DLGAP1: variants seen among roughly 807,000 people sequenced by gnomAD.
DLGAP1 encodes the protein disks large-associated protein 1.
In DLGAP1, 11 loss-of-function variants were observed where a neutral mutation model predicts 90.8. The ratio of observed to expected loss-of-function variants is 0.12; its 90% CI spans 0.08 to 0.20. The LOEUF (loss-of-function observed/expected upper bound fraction) is 0.20. Ranked by LOEUF, DLGAP1 falls within the 10% of genes least tolerant of loss-of-function variation. DLGAP1 has a pLI of 1.00. For synonymous variants in DLGAP1, 558 were observed against 540.7 expected, an observed-to-expected ratio of 1.03 and a Z score of -0.44; for missense variants, 1,050 against 1,333.8, an observed-to-expected ratio of 0.79 and a Z score of 3.31.
At chr18:3,758,902 T>C (rs1047922368) in intron 5 of DLGAP1, among the ~76,000 whole-genome samples, 1 of 152,180 alleles carries the variant, frequency 6.6e-6, no homozygotes, top group African/African-American at 2.4e-5. Context: ...ACATTAATTT[T>C]CCTTCTGTTT....
chr18:3,859,126 T>C (rs747834362), intron 4 of DLGAP1, among the ~76,000 whole-genome samples: 63 of 152,202 alleles, frequency 4.1e-4, no homozygotes, highest in Non-Finnish European at 7.4e-4. Flanking sequence ...CTACAAGTGC[T>C]CTGATTTCAA....
chr18:3,570,430 C>A (rs2145179383), intron 8 of DLGAP1, among the ~76,000 whole-genome samples: 1 of 151,884 alleles, frequency 6.6e-6, no homozygotes, highest in East Asian at 2.0e-4. Flanking sequence ...AGGTGTGTGC[C>A]ACCATGCCTG....
At chr18:3,693,186 G>A (rs2060959349) in intron 7 of DLGAP1, among the ~76,000 whole-genome samples, 1 of 152,130 alleles carries the variant, frequency 6.6e-6, no homozygotes, top group East Asian at 1.9e-4. Flanking sequence ...GGGCTCCAGC[G>A]ATCCTCCTGC....
chr18:3,951,828 C>G (rs1404693198), intron 3 of DLGAP1, among the ~76,000 whole-genome samples: 2 of 152,156 alleles, frequency 1.3e-5, no homozygotes, highest in African/African-American at 4.8e-5. Context: ...AGAGTACCTG[C>G]TTCCCCTTAT....
At chr18:4,011,136 A>G (rs1440407350) in intron 2 of DLGAP1, among the ~76,000 whole-genome samples, 2 of 145,390 alleles carry the variant, frequency 1.4e-5, no homozygotes, top group African/African-American at 5.1e-5. Flanking sequence ...AGATGGCGTC[A>G]TTGCACTCTA....
chr18:3,682,879 A>T (rs2060571053), intron 7 of DLGAP1, among the ~76,000 whole-genome samples: 1 of 146,900 alleles, frequency 6.8e-6, no homozygotes, highest in Non-Finnish European at 1.5e-5. Context: ...TTTTTCTGAG[A>T]TGGAGTCTTG....
intron 1 of DLGAP1, among the ~76,000 whole-genome samples, chr18:4,185,207 G>C (rs948796885): frequency 6.6e-6 from 1 of 151,492 alleles, no homozygotes; most frequent in Non-Finnish European, 1.5e-5. Flanking sequence ...AATACAATAA[G>C]ACAAGAATAA....
intron 1 of DLGAP1, among the ~76,000 whole-genome samples, chr18:4,164,142 G>A (rs943892597): frequency 4.6e-5 from 7 of 152,088 alleles, no homozygotes; most frequent in Non-Finnish European, 8.8e-5. Flanking sequence ...GAACCTGCAC[G>A]CTAAACATAA....
intron 2 of DLGAP1, among the ~76,000 whole-genome samples, chr18:4,041,077 G>A (rs1458834260): frequency 6.6e-6 from 1 of 152,192 alleles, no homozygotes; most frequent in African/African-American, 2.4e-5. Context: ...AGAACAGAGA[G>A]CAAACGCAGC....
intron 1 of DLGAP1, among the ~76,000 whole-genome samples, chr18:4,267,989 T>A (rs2079168751): frequency 6.6e-6 from 1 of 152,238 alleles, no homozygotes; most frequent in African/African-American, 2.4e-5. Context: ...ATATCATTAC[T>A]GAAATTCCGG....
intron 1 of DLGAP1, among the ~76,000 whole-genome samples, chr18:4,208,255 C>T (rs2077761912): frequency 6.6e-6 from 1 of 152,142 alleles, no homozygotes; most frequent in African/African-American, 2.4e-5. Flanking sequence ...TTTGGAACAT[C>T]TAAAATAATT....
At chr18:3,804,691 A>G (rs2148358481) in intron 5 of DLGAP1, among the ~76,000 whole-genome samples, 1 of 152,362 alleles carries the variant, frequency 6.6e-6, no homozygotes, top group East Asian at 1.9e-4. Context: ...ACCACTGCGC[A>G]TTAAAGTTAC....
chr18:3,580,054 A>C (rs1354024346), intron 8 of DLGAP1: 1 of 678,836 alleles, frequency 1.5e-6, no homozygotes. Flanking sequence ...AATTAAAAGC[A>C]CCTCATGTTT....
At chr18:4,197,655 A>T (rs2077526147) in intron 1 of DLGAP1, among the ~76,000 whole-genome samples, 3 of 152,214 alleles carry the variant, frequency 2.0e-5, no homozygotes, top group Admixed American at 2.0e-4. Context: ...AAAAGAGAGT[A>T]GGGACAGGTA....
intron 3 of DLGAP1, among the ~76,000 whole-genome samples, chr18:3,881,873 A>G (rs1285349908): frequency 6.6e-6 from 1 of 152,210 alleles, no homozygotes; most frequent in Non-Finnish European, 1.5e-5. Context: ...AGATCGTGCC[A>G]CTGCACTCCA....
rs1198332663 is a variant in DLGAP1, at chr18:3,567,675, A to T, written c.1966-94T>A. 3.6e-6 allele frequency: 4 copies of T among 1,114,750 alleles called. No homozygotes were observed. The East Asian group carries it at 9.4e-5, about 26-fold the overall frequency. 69.1% of individuals were successfully genotyped at this position (1,114,750 alleles called of 1,614,324 possible). ...TTTTATGAGAAAAATCTCTAATATG[A>T]CTGGAATGTTTTGTAATTTATAACC... On this transcript the variant is annotated intron_variant, in intron 8 of 12. Coordinates refer to ENST00000315677, the MANE Select transcript of DLGAP1 (RefSeq NM_004746.4).
At chr18:4,269,026 T>C (rs934092030) in intron 1 of DLGAP1, among the ~76,000 whole-genome samples, 1 of 152,048 alleles carries the variant, frequency 6.6e-6, no homozygotes, top group Admixed American at 6.6e-5. Context: ...AAAATGTAAA[T>C]GTCAGATTGA....
At chr18:3,686,907 G>A (rs888541925) in intron 7 of DLGAP1, among the ~76,000 whole-genome samples, 1 of 152,178 alleles carries the variant, frequency 6.6e-6, no homozygotes, top group African/African-American at 2.4e-5. Flanking sequence ...ATCCTGAGGT[G>A]GTGAGATTAT....
At chr18:4,144,591 C>T (rs2076553476) in intron 2 of DLGAP1, among the ~76,000 whole-genome samples, 1 of 152,120 alleles carries the variant, frequency 6.6e-6, no homozygotes, top group Admixed American at 6.5e-5. Context: ...ATTTTTAGTT[C>T]TTATAAAGGT....
Sources: allele counts gnomAD v4.1 joint callset (sites outside exome capture counted in the v4.1 genomes callset), GRCh38; gene constraint gnomAD v4.1.1; transcripts MANE v1.5; gene names NCBI Gene and HGNC (gene_info 2026-07-23, HGNC 2026-07-21).